The following GXYLT2 variants were observed in gnomAD, a reference collection of about 807,000 sequenced individuals.
The protein encoded by GXYLT2 is glycosyltransferase 8 domain containing 4.
In GXYLT2, 53 loss-of-function variants were observed where a neutral mutation model predicts 45.8. The ratio of observed to expected loss-of-function variants is 1.16; its 90% CI spans 0.93 to 1.46. The LOEUF (loss-of-function observed/expected upper bound fraction) is 1.46, where lower values mean the gene tolerates loss of function less well. Among genes scored for constraint, GXYLT2 ranks in the 40% most tolerant of loss-of-function variants. The pLI, the probability that GXYLT2 is intolerant of heterozygous loss-of-function variation, is 0.00. For synonymous variants in GXYLT2, 219 were observed against 214.2 expected, an observed-to-expected ratio of 1.02 and a Z score of -0.19; for missense variants, 551 against 544.4, an observed-to-expected ratio of 1.01 and a Z score of -0.12.
At chr3:72,925,737 T>C (rs1709907127) in intron 3 of GXYLT2, among the ~76,000 whole-genome samples, 1 of 152,200 alleles carries the variant, frequency 6.6e-6, no homozygotes, top group Non-Finnish European at 1.5e-5. Flanking sequence ...TGACCTTGAA[T>C]TGTGACTTTA....
intron 6 of GXYLT2, among the ~76,000 whole-genome samples, chr3:72,969,764 C>T (rs1478055585): frequency 6.6e-6 from 1 of 151,958 alleles, no homozygotes; most frequent in Non-Finnish European, 1.5e-5. Flanking sequence ...TTAGCCAGCC[C>T]CTGACATAAA....
chr3:72,937,654 C>T (rs951025277), intron 3 of GXYLT2, among the ~76,000 whole-genome samples: 24 of 152,208 alleles, frequency 1.6e-4, no homozygotes, highest in African/African-American at 5.6e-4. Flanking sequence ...TGCCCTACTT[C>T]TTAGAATATT....
chr3:72,925,238 C>G (rs941018648), intron 3 of GXYLT2, among the ~76,000 whole-genome samples: 1 of 150,880 alleles, frequency 6.6e-6, no homozygotes, highest in African/African-American at 2.5e-5. Context: ...CTCACTGCAA[C>G]CTCCACCTCC....
In GXYLT2 at chr3:72,975,087, A is replaced by G; in HGVS notation, c.1260A>G (p.Gln420=). The change falls in exon 7 of 7, where the codon CAA becomes CAG. Residue 420 remains glutamine, a synonymous_variant. Coordinates refer to ENST00000389617, the MANE Select transcript of GXYLT2 (RefSeq NM_001080393.2). Reference sequence around the variant, plus strand: ...GAATCCCGCAAGTTTTTCTGAAGCAAATTGAGAAAACAATGAAAAGGGCTT... The same window carrying G: ...GAATCCCGCAAGTTTTTCTGAAGCAGATTGAGAAAACAATGAAAAGGGCTT... ...CGRIPQVFLK[Q]IEKTMKRAYE... 1.2e-6 allele frequency: 2 copies of G among 1,613,820 alleles called. No homozygotes were observed. Among genetic ancestry groups the G allele is most frequent in the Non-Finnish European group, 1.7e-6 (2 of 1,179,786 alleles).
At chr3:72,951,460 A>C (rs562495956) in intron 3 of GXYLT2, among the ~76,000 whole-genome samples, 2 of 152,350 alleles carry the variant, frequency 1.3e-5, no homozygotes, top group East Asian at 3.9e-4. Context: ...AGTACTTACT[A>C]TGTGCCAGCC....
intron 1 of GXYLT2, among the ~76,000 whole-genome samples, chr3:72,906,649 TA>T (rs1054738236): frequency 2.6e-5 from 4 of 152,200 alleles, no homozygotes; most frequent in African/African-American, 9.7e-5. Flanking sequence ...CAGTACTTAG[TA>T]AAGATTTGTT....
chr3:72,888,145 G>A lies in GXYLT2; in HGVS notation c.-89G>A. 1.1e-6 allele frequency: 1 copy of A among 911,800 alleles called. No homozygotes were observed. Among genetic ancestry groups the A allele is most frequent in the Non-Finnish European group, 1.3e-6 (1 of 764,798 alleles). The allele number at this position is 911,800 out of a possible 1,614,324, so 56.5% of individuals were successfully genotyped here. On this transcript the variant is annotated 5_prime_UTR_variant, in exon 1 of 7. Coordinates refer to ENST00000389617, the MANE Select transcript of GXYLT2 (RefSeq NM_001080393.2). ...CGGCGGGCGGGCGGAGGAGGCGACC[G>A]CCGCGCGCTGCTGCACTCATCCTGC...
Position 72,908,568 on chromosome 3 carries a change from G to A in GXYLT2, c.468+9G>A. 2.5e-6 allele frequency: 4 copies of A among 1,598,432 alleles called. No individual in the cohort carries two copies. The highest frequency in any genetic ancestry group is 2.2e-5 in the East Asian group (1 of 44,828). On this transcript the variant is annotated intron_variant, in intron 2 of 6. Transcript: ENST00000389617. ...CCGAGTTTGATAAGCAGGTGAATTT[G>A]CAGAAATCATGGCACAGTGTTTACT...
intron 3 of GXYLT2, 143 bp from the exon 4 acceptor site, chr3:72,954,955 G>A (rs1390698342): frequency 2.7e-6 from 2 of 744,694 alleles, no homozygotes; most frequent in African/African-American, 3.5e-5. Flanking sequence ...GAAGCTAAGA[G>A]TGGTACCTTT....
intron 1 of GXYLT2, among the ~76,000 whole-genome samples, chr3:72,898,724 TTTTTC>T (rs1044175359): frequency 3.3e-5 from 5 of 151,988 alleles, no homozygotes; most frequent in Admixed American, 1.3e-4. Context: ...GAGAGGGCTC[TTTTTC>T]TTTTCTTTTC....
chr3:72,933,270 A>T (rs1710078267), intron 3 of GXYLT2, among the ~76,000 whole-genome samples: 1 of 152,220 alleles, frequency 6.6e-6, no homozygotes, highest in African/African-American at 2.4e-5. Context: ...AACATGTCCC[A>T]GCAGGTAACG....
chr3:72,962,127 A>C (rs1391767499), intron 5 of GXYLT2, among the ~76,000 whole-genome samples: 1 of 152,132 alleles, frequency 6.6e-6, no homozygotes, highest in Non-Finnish European at 1.5e-5. Flanking sequence ...TGAGCGTGCA[A>C]CCACACTGTA....
At chr3:72,888,549 G>A in intron 1 of GXYLT2, 41 bp downstream of exon 1, 1 of 1,169,150 alleles carries the variant, frequency 8.6e-7, no homozygotes, top group South Asian at 3.2e-5. Context: ...GCGGACCCGT[G>A]TCTCGCTCCC....
At chr3:72,917,062 C>A (rs762584213) in intron 2 of GXYLT2, among the ~76,000 whole-genome samples, 2 of 151,990 alleles carry the variant, frequency 1.3e-5, no homozygotes, top group Non-Finnish European at 2.9e-5. Context: ...TTAAACCTTT[C>A]GGAAGATAGG....
In GXYLT2 at chr3:72,903,500, T is replaced by G. The variant is rs765764996; in HGVS notation, c.276-4867T>G. On this transcript the variant is annotated intron_variant, in intron 1 of 6. Transcript: ENST00000389617. The stretch of plus-strand genomic sequence containing the variant: ...TTCCTGACCATAGCTGAACTATGGG[T>G]GGTGTGTAGTACAAGTGTGTTAATA... Among the ~76,000 whole-genome samples, 44 of 152,072 alleles carry G rather than the reference T, an allele frequency of 2.9e-4. 1 individual carries two copies. Among genetic ancestry groups the G allele is most frequent in the Non-Finnish European group, 5.3e-4 (36 of 68,016 alleles).
intron 1 of GXYLT2, among the ~76,000 whole-genome samples, chr3:72,895,792 A>G (rs1202077648): frequency 6.6e-6 from 1 of 152,216 alleles, no homozygotes; most frequent in African/African-American, 2.4e-5. Context: ...TGATACCTTC[A>G]TTGGGAGTTG....
intron 5 of GXYLT2, among the ~76,000 whole-genome samples, chr3:72,965,568 C>T (rs565263056): frequency 3.6e-4 from 55 of 152,284 alleles, no homozygotes. Context: ...GCTAGGGGGT[C>T]ATGAATTTAT....
intron 5 of GXYLT2, among the ~76,000 whole-genome samples, chr3:72,962,375 T>C (rs1452009768): frequency 8.5e-5 from 13 of 152,170 alleles, no homozygotes; most frequent in Admixed American, 8.5e-4. Flanking sequence ...CAAGGCTCAG[T>C]GCTTTAAATG....
Position 72,964,106 on chromosome 3 carries a change from G to A in GXYLT2, c.977-3441G>A, listed in dbSNP as rs1033630914. Among the ~76,000 whole-genome samples the A allele has an allele frequency of 1.7e-4, 26 of 151,668 alleles. 2 individuals carry two copies. The highest frequency in any genetic ancestry group is 5.9e-4 in the East Asian group (3 of 5,072). ...ATTATAGGCATGAGCCACCATGCCC[G>A]GCCTTGGCTTCTCTTTACTGCTGTT... On this transcript the variant is annotated intron_variant, in intron 5 of 6. Transcript: ENST00000389617.
Sources: allele counts gnomAD v4.1 joint callset (sites outside exome capture counted in the v4.1 genomes callset), GRCh38; gene constraint gnomAD v4.1.1; transcripts MANE v1.5; gene names NCBI Gene and HGNC (gene_info 2026-07-23, HGNC 2026-07-21).